The following OLA1 variants were observed in gnomAD, a reference collection of about 807,000 sequenced individuals.
OLA1 encodes the protein Obg like ATPase 1, also known as obg-like ATPase 1.
Under a neutral mutation model 48.4 loss-of-function variants are expected in OLA1, and 14 were observed. The observed-to-expected ratio is 0.29, with a 90% CI of 0.19 to 0.45. The LOEUF is 0.45. Among genes scored for constraint, OLA1 ranks in the 20% least tolerant of loss-of-function variants. The pLI, the probability that OLA1 is intolerant of heterozygous loss-of-function variation, is 1.00. For missense variants in OLA1, 325 were observed against 467.1 expected, an observed-to-expected ratio of 0.70 and a Z score of 2.80; for synonymous variants, 127 against 150.4, an observed-to-expected ratio of 0.84 and a Z score of 1.14.
At chr2:174,139,551 C>T (rs1410784437) in intron 5 of OLA1, among the ~76,000 whole-genome samples, 2 of 152,180 alleles carry the variant, frequency 1.3e-5, no homozygotes, top group East Asian at 3.8e-4. Context: ...GGTTTTACTT[C>T]AGACAGCAAG....
chr2:174,201,379 C>T (rs1172452088), intron 4 of OLA1, among the ~76,000 whole-genome samples: 2 of 152,138 alleles, frequency 1.3e-5, no homozygotes, highest in Non-Finnish European at 1.5e-5. Context: ...CCTTTAATGC[C>T]CAGGCTGGAG....
chr2:174,168,376 C>T (rs1043469167), intron 4 of OLA1, among the ~76,000 whole-genome samples: 5 of 128,520 alleles, frequency 3.9e-5, no homozygotes, highest in African/African-American at 1.2e-4. Flanking sequence ...CAACTGTCTA[C>T]TAATACAAAA....
At chr2:174,107,001 T>C (rs909472375) in intron 7 of OLA1, among the ~76,000 whole-genome samples, 2 of 152,134 alleles carry the variant, frequency 1.3e-5, no homozygotes, top group African/African-American at 4.8e-5. Context: ...ACCTGTAGAT[T>C]ACTTGTATTT....
chr2:174,136,578 G>A (rs866226914), intron 5 of OLA1, among the ~76,000 whole-genome samples: 2 of 151,940 alleles, frequency 1.3e-5, no homozygotes, highest in African/African-American at 4.8e-5. Context: ...CTGAAGTCTT[G>A]AGCCTCTCAA....
intron 7 of OLA1, among the ~76,000 whole-genome samples, chr2:174,091,029 C>T (rs978011453): frequency 2.0e-5 from 3 of 152,138 alleles, no homozygotes; most frequent in South Asian, 2.1e-4. Flanking sequence ...TTCTTGAGGT[C>T]GGAGACTGTG....
chr2:174,075,281 A>T lies in OLA1; in HGVS notation c.*145T>A. 1 of 561,100 alleles carries T rather than the reference A, an allele frequency of 1.8e-6. No homozygotes were observed. 34.8% of individuals were successfully genotyped at this position (561,100 alleles called of 1,614,324 possible). ...GGGGGGGGGGGTACACAGTATTTTA[A>T]TTTTAAAACAAATAAAAATAATTTG... is the stretch of plus-strand genomic sequence containing the variant. On this transcript the variant is annotated 3_prime_UTR_variant, in exon 11 of 11. Transcript: ENST00000284719.
chr2:174,089,042 G>T (rs180967187), intron 7 of OLA1, among the ~76,000 whole-genome samples: 86 of 152,012 alleles, frequency 5.7e-4, no homozygotes, highest in Non-Finnish European at 9.3e-4. Flanking sequence ...TTGAGTGTGT[G>T]ATAGAAATGC....
chr2:174,178,783 A>C (rs995273353), intron 4 of OLA1, among the ~76,000 whole-genome samples: 1 of 151,996 alleles, frequency 6.6e-6, no homozygotes, highest in African/African-American at 2.4e-5. Context: ...AAAAACTTGT[A>C]CAAACTTGAT....
Position 174,073,009 on chromosome 2 carries a change from TCTCA to T in OLA1, c.*2413_*2416del, listed in dbSNP as rs1239533936. The T allele has an allele frequency of 1.3e-5, 2 of 152,368 alleles. No individual in the cohort carries two copies. Among genetic ancestry groups the T allele is most frequent in the African/African-American group, 4.8e-5 (2 of 41,454 alleles). The allele number at this position is 152,368 out of a possible 1,614,324, so 9.4% of individuals were successfully genotyped here. On this transcript the variant is annotated 3_prime_UTR_variant, in exon 11 of 11. Transcript: ENST00000284719. ...TTTCTCTTTCTCTTTGGAGACAGGG[TCTCA>T]CTCTGTTGCCCAGGCTGGAGTGCAG...
intron 4 of OLA1, among the ~76,000 whole-genome samples, chr2:174,149,529 T>C (rs534299322): frequency 6.6e-6 from 1 of 152,318 alleles, no homozygotes; most frequent in South Asian, 2.1e-4. Context: ...CCGTTTCTAA[T>C]ATAAAATCTA....
chr2:174,153,185 T>C (rs1390594620), intron 4 of OLA1, among the ~76,000 whole-genome samples: 1 of 152,162 alleles, frequency 6.6e-6, no homozygotes, highest in Non-Finnish European at 1.5e-5. Flanking sequence ...TAAACTTACA[T>C]GGGAGCAATC....
chr2:174,218,505 C>T (rs759236534), intron 4 of OLA1, among the ~76,000 whole-genome samples: 1 of 152,204 alleles, frequency 6.6e-6, no homozygotes, highest in Non-Finnish European at 1.5e-5. Context: ...GAAAGATAAA[C>T]TCCCGTTTAT....
At chr2:174,197,542 A>G (rs1187238826) in intron 4 of OLA1, among the ~76,000 whole-genome samples, 3 of 152,056 alleles carry the variant, frequency 2.0e-5, no homozygotes, top group East Asian at 1.9e-4. Context: ...CCCAGGGGGG[A>G]AAATTTTTGA....
chr2:174,117,387 T>C (rs541847177), intron 7 of OLA1, among the ~76,000 whole-genome samples: 12 of 152,306 alleles, frequency 7.9e-5, no homozygotes, highest in East Asian at 7.7e-4. Flanking sequence ...ATAAAGACCA[T>C]AGCACTTGTA....
intron 3 of OLA1, among the ~76,000 whole-genome samples, chr2:174,228,753 C>T (rs1362784991): frequency 1.3e-5 from 2 of 152,128 alleles, no homozygotes; most frequent in African/African-American, 2.4e-5. Context: ...TAAACAAACA[C>T]ATTTAGTTTT....
intron 4 of OLA1, among the ~76,000 whole-genome samples, chr2:174,189,538 T>C (rs570210479): frequency 6.6e-6 from 1 of 152,200 alleles, no homozygotes; most frequent in African/African-American, 2.4e-5. Flanking sequence ...ATGTTCGGTC[T>C]CACTCACTCA....
At chr2:174,169,386 T>C (rs1242743456) in intron 4 of OLA1, among the ~76,000 whole-genome samples, 1 of 152,150 alleles carries the variant, frequency 6.6e-6, no homozygotes, top group Non-Finnish European at 1.5e-5. Flanking sequence ...AGACATACAA[T>C]AGCAGAGGTA....
chr2:174,183,800 T>C (rs1290341948), intron 4 of OLA1, among the ~76,000 whole-genome samples: 2 of 152,240 alleles, frequency 1.3e-5, no homozygotes, highest in African/African-American at 4.8e-5. Flanking sequence ...TGCAGAGTCC[T>C]GACCTCAAGT....
chr2:174,123,011 T>C (rs1341579346), intron 7 of OLA1, among the ~76,000 whole-genome samples, 169 bp downstream of exon 7: 1 of 152,198 alleles, frequency 6.6e-6, no homozygotes, highest in African/African-American at 2.4e-5. Context: ...ATTAGAAGAC[T>C]CATCTGTGAA....
Sources: allele counts gnomAD v4.1 joint callset (sites outside exome capture counted in the v4.1 genomes callset), GRCh38; gene constraint gnomAD v4.1.1; transcripts MANE v1.5; gene names NCBI Gene and HGNC (gene_info 2026-07-23, HGNC 2026-07-21).